Variants in WWOX observed in about 807,000 individuals in gnomAD.
WWOX encodes the protein WW domain-containing oxidoreductase.
WWOX carries 69 observed loss-of-function variants against 46.2 expected under a neutral mutation model. The ratio of observed to expected loss-of-function variants is 1.49; its 90% confidence interval spans 1.23 to 1.82. The LOEUF (loss-of-function observed/expected upper bound fraction) is 1.82, where lower values mean the gene tolerates loss of function less well. Ranked by LOEUF, WWOX falls within the 40% of genes most tolerant of loss-of-function variation. WWOX has a pLI of 0.00. For missense variants in WWOX, 919 were observed against 542.6 expected (o/e 1.69, Z -6.89); for synonymous variants, 359 against 202.6 (o/e 1.77, Z -6.56).
At chr16:78,656,232 C>G (rs559215478) in intron 8 of WWOX, among the ~76,000 whole-genome samples, 9 of 152,088 alleles carry the variant, frequency 5.9e-5, no homozygotes, top group African/African-American at 2.2e-4. Flanking sequence ...CCTCAGTCTC[C>G]CCATCATCCT....
chr16:78,424,763 C>G (rs540446906), intron 6 of WWOX, 107 bp from the exon 7 acceptor site: 1 of 1,256,978 alleles, frequency 8.0e-7, no homozygotes, highest in Non-Finnish European at 1.2e-6. Context: ...ATGGATTATC[C>G]TTGGTTGTAG....
chr16:78,315,305 T>C (rs1472182711), intron 5 of WWOX, among the ~76,000 whole-genome samples: 1 of 152,204 alleles, frequency 6.6e-6, no homozygotes, highest in Non-Finnish European at 1.5e-5. Flanking sequence ...TTGTAAAAGC[T>C]TCATTGTGCC....
intron 8 of WWOX, among the ~76,000 whole-genome samples, chr16:79,000,839 A>G (rs1597258278): frequency 6.6e-6 from 1 of 152,194 alleles, no homozygotes; most frequent in East Asian, 1.9e-4. Context: ...TGACTCTCAG[A>G]GGACCCTGGA....
intron 8 of WWOX, among the ~76,000 whole-genome samples, chr16:78,713,927 A>T (rs545968147): frequency 6.6e-6 from 1 of 152,240 alleles, no homozygotes; most frequent in South Asian, 2.1e-4. Flanking sequence ...TCGTTGGGGA[A>T]CAGGAAACCT....
rs553131838 is a variant in WWOX, at chr16:79,026,166, T to G, written c.1057-185442T>G. On this transcript the variant is annotated intron_variant, in intron 8 of 8. Transcript: ENST00000566780. ...CTTCCACTCGCTTCTTTAAGTTTCCTCACTCCTTTTAGGTGAACAACCCAA... is the reference window on the plus strand; with the variant it reads ...CTTCCACTCGCTTCTTTAAGTTTCCGCACTCCTTTTAGGTGAACAACCCAA... Among the ~76,000 whole-genome samples the G allele has an allele frequency of 9.9e-5, 15 of 151,786 alleles. No homozygotes were observed. In the South Asian group the frequency reaches 2.3e-3, roughly 23 times the overall value.
chr16:78,925,072 G>A (rs559021491), intron 8 of WWOX, among the ~76,000 whole-genome samples: 2 of 152,316 alleles, frequency 1.3e-5, no homozygotes, highest in Admixed American at 1.3e-4. Flanking sequence ...GTGTGTGCCT[G>A]TAGTCCCAGT....
chr16:78,558,015 A>G (rs1024261056), intron 8 of WWOX, among the ~76,000 whole-genome samples: 1 of 152,110 alleles, frequency 6.6e-6, no homozygotes, highest in Non-Finnish European at 1.5e-5. Flanking sequence ...AGAGCCTGGA[A>G]CAGTGCCAAG....
At chr16:78,277,382 T>A (rs1217110347) in intron 5 of WWOX, among the ~76,000 whole-genome samples, 1 of 152,206 alleles carries the variant, frequency 6.6e-6, no homozygotes, top group Non-Finnish European at 1.5e-5. Context: ...ATTCTCTCCT[T>A]GAGGGAAGTT....
At chr16:78,968,132 TCCG>T (rs1311068456) in intron 8 of WWOX, among the ~76,000 whole-genome samples, 5 of 7,244 alleles carry the variant, frequency 6.9e-4, no homozygotes, top group East Asian at 3.2e-3. Flanking sequence ...CAGCGCGTGG[TCCG>T]TGTGGCACAG....
chr16:78,991,754 G>C (rs776721483), intron 8 of WWOX, among the ~76,000 whole-genome samples: 16 of 152,120 alleles, frequency 1.1e-4, no homozygotes, highest in Non-Finnish European at 1.6e-4. Context: ...GAAACAGGAA[G>C]GTGAGGGGCT....
chr16:79,060,754 T>A (rs868020995), intron 8 of WWOX, among the ~76,000 whole-genome samples: 3 of 152,360 alleles, frequency 2.0e-5, no homozygotes, highest in African/African-American at 7.2e-5. Context: ...TAGTCCATAT[T>A]CTCTGTTTTT....
intron 7 of WWOX, among the ~76,000 whole-genome samples, chr16:78,426,996 T>TG (rs1408537218): frequency 3.9e-4 from 59 of 152,198 alleles, no homozygotes; most frequent in African/African-American, 1.4e-3. Flanking sequence ...TTTAACAAAA[T>TG]GGCAATTTCC....
chr16:78,594,429 G>GCCTCCCCCCCC (rs1171391505), intron 8 of WWOX, among the ~76,000 whole-genome samples: 1 of 32,378 alleles, frequency 3.1e-5, no homozygotes, highest in Non-Finnish European at 5.2e-5. Context: ...CTGAGGAAAG[G>GCCTCCCCCCCC]CCCCCCCCCC....
chr16:78,486,314 A>G (rs551689042), intron 8 of WWOX, among the ~76,000 whole-genome samples: 1 of 152,336 alleles, frequency 6.6e-6, no homozygotes, highest in Admixed American at 6.5e-5. Flanking sequence ...CGACTAATAG[A>G]CATAAATAAC....
At chr16:78,984,960 G>A (rs560404173) in intron 8 of WWOX, among the ~76,000 whole-genome samples, 3 of 152,182 alleles carry the variant, frequency 2.0e-5, no homozygotes, top group East Asian at 3.9e-4. Flanking sequence ...ATGTTAAGAG[G>A]ATATGGACAG....
intron 8 of WWOX, among the ~76,000 whole-genome samples, chr16:78,442,562 G>A (rs1161455456): frequency 1.3e-5 from 2 of 151,940 alleles, no homozygotes; most frequent in Admixed American, 6.6e-5. Context: ...GTCTTTCTGC[G>A]CCTGGCTTAT....
Position 78,200,246 on chromosome 16 carries a change from C to T in WWOX, c.516+35957C>T, listed in dbSNP as rs542524534. On this transcript the variant is annotated intron_variant, in intron 5 of 8. Coordinates refer to ENST00000566780, the MANE Select transcript of WWOX (RefSeq NM_016373.4). ...GTAGGCAGCTTAAAAATTCCTCGCC[C>T]GACTTCTGATTTTCACGTGACTCAC... Among the ~76,000 whole-genome samples the T allele has an allele frequency of 6.6e-5, 10 of 151,928 alleles. No individual in the cohort carries two copies. The East Asian group carries it at 1.2e-3, about 18-fold the overall frequency.
intron 8 of WWOX, among the ~76,000 whole-genome samples, chr16:79,072,171 A>T (rs998724995): frequency 1.3e-5 from 2 of 152,148 alleles, no homozygotes; most frequent in Non-Finnish European, 2.9e-5. Context: ...CTGTAGTCCT[A>T]GCTACTCAGG....
Position 79,027,943 on chromosome 16 carries a change from CT to C in WWOX, c.1057-183659del, listed in dbSNP as rs541821811. 3.8e-3 allele frequency among the ~76,000 whole-genome samples: 577 copies of C among 151,646 alleles called. 17 individuals carry two copies. Among genetic ancestry groups the C allele is most frequent in the African/African-American group, 0.013 (549 of 41,084 alleles). On this transcript the variant is annotated intron_variant, in intron 8 of 8. Coordinates refer to ENST00000566780, the MANE Select transcript of WWOX (RefSeq NM_016373.4). ...GTTTGCTTTATTTTCCTTTGTTTTTCTTTTTTGTTGTTGTTTGTTTGTTTTT... is the reference window on the plus strand; with the variant it reads ...GTTTGCTTTATTTTCCTTTGTTTTTCTTTTTGTTGTTGTTTGTTTGTTTTT...
Sources: gnomAD v4.1 joint callset for allele counts (sites outside exome capture counted in the v4.1 genomes callset) on GRCh38, gnomAD v4.1.1 for gene constraint, MANE v1.5 for transcripts, NCBI Gene and HGNC (gene_info 2026-07-23, HGNC 2026-07-21) for gene names.